The following CNTNAP2 variants were observed in gnomAD, a reference collection of about 807,000 sequenced individuals.
The protein encoded by CNTNAP2 is contactin associated protein 2, also known as contactin-associated protein-like 2.
In CNTNAP2, 98 loss-of-function variants were observed where a neutral mutation model predicts 155.2. That is an observed-to-expected ratio of 0.63 (90% CI 0.54 to 0.75). CNTNAP2 has a LOEUF of 0.75. CNTNAP2 is among the 30% of genes least tolerant of loss of function. The pLI is 0.00. For synonymous variants in CNTNAP2, 651 were observed against 631.2 expected (o/e 1.03, Z -0.47); for missense variants, 1,727 against 1,688.1 (o/e 1.02, Z -0.40).
intron 1 of CNTNAP2, among the ~76,000 whole-genome samples, chr7:146,474,120 T>G (rs1796838681): frequency 6.6e-6 from 1 of 152,118 alleles, no homozygotes; most frequent in South Asian, 2.1e-4. Context: ...GTTTGGAGAT[T>G]CTGAGTGCTA....
intron 22 of CNTNAP2, among the ~76,000 whole-genome samples, chr7:148,401,765 CT>C (rs1799589049): frequency 6.6e-6 from 1 of 151,910 alleles, no homozygotes; most frequent in Non-Finnish European, 1.5e-5. Context: ...CACCCAGCTA[CT>C]TTTTTGTATT....
intron 18 of CNTNAP2, among the ~76,000 whole-genome samples, chr7:148,215,859 A>C (rs548098887): frequency 6.6e-6 from 1 of 152,278 alleles, no homozygotes; most frequent in African/African-American, 2.4e-5. Flanking sequence ...CTCTGTGCCG[A>C]CCTCTTTAAC....
intron 13 of CNTNAP2, among the ~76,000 whole-genome samples, chr7:147,735,334 G>C (rs1237232852): frequency 6.6e-6 from 1 of 152,154 alleles, no homozygotes; most frequent in Non-Finnish European, 1.5e-5. Flanking sequence ...GAGTGGTTTT[G>C]AGTGAGTTTC....
intron 18 of CNTNAP2, among the ~76,000 whole-genome samples, chr7:148,173,921 T>C (rs1435795082): frequency 6.6e-6 from 1 of 152,232 alleles, no homozygotes; most frequent in Non-Finnish European, 1.5e-5. Context: ...CCCTTTATTT[T>C]TGGAGAGTTA....
At chr7:148,252,567 C>A (rs1017982734) in intron 20 of CNTNAP2, among the ~76,000 whole-genome samples, 1 of 152,184 alleles carries the variant, frequency 6.6e-6, no homozygotes, top group Non-Finnish European at 1.5e-5. Context: ...GAGCAGTAGC[C>A]TCTATTGACT....
Position 147,385,645 on chromosome 7 carries a change from C to A in CNTNAP2, c.1499-9964C>A, listed in dbSNP as rs560101618. Among the ~76,000 whole-genome samples the A allele has an allele frequency of 9.9e-4, 151 of 152,358 alleles. 1 individual carries two copies. Among genetic ancestry groups the A allele is most frequent in the Middle Eastern group, 6.8e-3 (2 of 294 alleles). ...AGATGCAAGAGGTGGGCCCCCATGG[C>A]CTTGGGCAGCTCTGCCCCTGTGGCT... On this transcript the variant is annotated intron_variant, in intron 9 of 23. Transcript: ENST00000361727.
At chr7:147,499,339 T>G (rs1272652122) in intron 11 of CNTNAP2, among the ~76,000 whole-genome samples, 2 of 151,942 alleles carry the variant, frequency 1.3e-5, no homozygotes, top group Non-Finnish European at 2.9e-5. Context: ...CCATCCTGTC[T>G]AACACATGGT....
intron 9 of CNTNAP2, among the ~76,000 whole-genome samples, chr7:147,343,488 T>G (rs1471973673): frequency 6.6e-6 from 1 of 152,168 alleles, no homozygotes; most frequent in African/African-American, 2.4e-5. Context: ...ATTTTAATAT[T>G]TAATTTTACT....
intron 3 of CNTNAP2, among the ~76,000 whole-genome samples, chr7:146,979,244 C>T (rs1797970144): frequency 1.3e-5 from 2 of 152,242 alleles, no homozygotes; most frequent in Admixed American, 1.3e-4. Flanking sequence ...ATAGCCTGTT[C>T]CCTTTCTACT....
At chr7:147,698,507 C>G (rs1455197249) in intron 13 of CNTNAP2, among the ~76,000 whole-genome samples, 1 of 152,104 alleles carries the variant, frequency 6.6e-6, no homozygotes, top group Non-Finnish European at 1.5e-5. Context: ...TTTCTTCTTC[C>G]CCCATCCACA....
chr7:148,244,758 T>C (rs2116804774), intron 20 of CNTNAP2, among the ~76,000 whole-genome samples: 1 of 152,188 alleles, frequency 6.6e-6, no homozygotes, highest in East Asian at 1.9e-4. Context: ...AGATGGGGTT[T>C]CACCATGTTG....
chr7:146,695,690 G>C (rs916266836), intron 1 of CNTNAP2, among the ~76,000 whole-genome samples: 1 of 152,050 alleles, frequency 6.6e-6, no homozygotes, highest in African/African-American at 2.4e-5. Context: ...GCCTCCCAAA[G>C]TGCTAAGATT....
chr7:147,914,937 G>A (rs551503470), intron 14 of CNTNAP2, among the ~76,000 whole-genome samples: 16 of 152,180 alleles, frequency 1.1e-4, no homozygotes, highest in South Asian at 2.1e-4. Flanking sequence ...CAATTACAAC[G>A]CAATAGATTA....
chr7:147,597,422 C>T (rs1378370978), intron 12 of CNTNAP2, among the ~76,000 whole-genome samples: 1 of 152,136 alleles, frequency 6.6e-6, no homozygotes, highest in African/African-American at 2.4e-5. Context: ...TAAGGAGATC[C>T]TTCCTGTTGG....
intron 1 of CNTNAP2, among the ~76,000 whole-genome samples, chr7:146,459,068 T>C (rs1245248425): frequency 1.3e-5 from 2 of 152,166 alleles, no homozygotes; most frequent in Admixed American, 6.5e-5. Flanking sequence ...GCAACAAGAT[T>C]ATATTTCTTT....
rs886369353 is a variant in CNTNAP2, at chr7:147,655,997, C to G, written c.2098+16691C>G. 5.3e-5 allele frequency among the ~76,000 whole-genome samples: 8 copies of G among 152,232 alleles called. No homozygotes were observed. The South Asian group carries it at 1.4e-3, about 28-fold the overall frequency. ...AGGTAACTTGCTGTAGCTTCTATAT[C>G]AGCATTTGCTGTTTCACTTTGCACT... is the stretch of plus-strand genomic sequence containing the variant. On this transcript the variant is annotated intron_variant, in intron 13 of 23. Transcript: ENST00000361727.
At chr7:146,393,516 T>G (rs146513196) in intron 1 of CNTNAP2, among the ~76,000 whole-genome samples, 1 of 152,136 alleles carries the variant, frequency 6.6e-6, no homozygotes, top group African/African-American at 2.4e-5. Context: ...CTTTACACCA[T>G]TTTATCCCTG....
chr7:147,369,948 G>A (rs980891662), intron 9 of CNTNAP2, among the ~76,000 whole-genome samples: 5 of 152,170 alleles, frequency 3.3e-5, no homozygotes, highest in East Asian at 1.9e-4. Context: ...ACACGTGGTC[G>A]GTCCTTGCGG....
intron 11 of CNTNAP2, among the ~76,000 whole-genome samples, chr7:147,501,018 C>T (rs958315902): frequency 2.0e-5 from 3 of 151,910 alleles, no homozygotes; most frequent in Non-Finnish European, 4.4e-5. Flanking sequence ...ACAGCATATT[C>T]CAAGAATTAT....
Sources: gnomAD v4.1 joint callset for allele counts (sites outside exome capture counted in the v4.1 genomes callset) on GRCh38, gnomAD v4.1.1 for gene constraint, MANE v1.5 for transcripts, NCBI Gene and HGNC (gene_info 2026-07-23, HGNC 2026-07-21) for gene names.